The following AUTS2 variants were observed in gnomAD, a reference collection of about 807,000 sequenced individuals.
AUTS2 encodes the protein autism susceptibility gene 2 protein.
Under a neutral mutation model 112.4 loss-of-function variants are expected in AUTS2, and 17 were observed. The observed-to-expected ratio is 0.15, with a 90% CI of 0.10 to 0.23. The LOEUF is 0.23. Ranked by LOEUF, AUTS2 falls within the 10% of genes least tolerant of loss-of-function variation. AUTS2 has a pLI of 1.00. For missense variants in AUTS2, 1,510 were observed against 1,701.6 expected (o/e 0.89, Z 1.98); for synonymous variants, 751 against 702.7 (o/e 1.07, Z -1.09).
chr7:69,708,381 G>A (rs1372111690), intron 1 of AUTS2, among the ~76,000 whole-genome samples: 1 of 152,194 alleles, frequency 6.6e-6, no homozygotes, highest in Admixed American at 6.5e-5. Context: ...CATTGTGATA[G>A]CATTCTGATG....
rs562487128 is a variant in AUTS2 at position 69,975,680 on chromosome 7, T to C, written c.522+76182T>C. Among the ~76,000 whole-genome samples the C allele has an allele frequency of 5.3e-5, 8 of 151,884 alleles. 1 individual carries two copies. The highest frequency in any genetic ancestry group is 4.6e-4 in the Admixed American group (7 of 15,248). ...GAGCCCATCCGTTGAATTTTTTTAATTGTTTTTTTTTTATTTTTATTTTTT... is the reference window on the plus strand; with the variant it reads ...GAGCCCATCCGTTGAATTTTTTTAACTGTTTTTTTTTTATTTTTATTTTTT... On this transcript the variant is annotated intron_variant, in intron 2 of 18. Transcript: ENST00000342771.
chr7:70,629,349 G>A (rs950671900), intron 5 of AUTS2, among the ~76,000 whole-genome samples: 1 of 152,164 alleles, frequency 6.6e-6, no homozygotes, highest in African/African-American at 2.4e-5. Flanking sequence ...GCAGGCATCT[G>A]TAATCTCAGC....
chr7:70,302,537 A>G (rs1013509093), intron 4 of AUTS2, among the ~76,000 whole-genome samples: 2 of 152,180 alleles, frequency 1.3e-5, no homozygotes, highest in East Asian at 1.9e-4. Flanking sequence ...TATCTTATGC[A>G]TCCTTTTCCT....
intron 1 of AUTS2, among the ~76,000 whole-genome samples, chr7:69,756,330 TTG>T (rs1457722115): frequency 1.3e-5 from 2 of 152,186 alleles, no homozygotes; most frequent in African/African-American, 4.8e-5. Flanking sequence ...AAACTAGTAT[TTG>T]TGTGTTTTAG....
intron 6 of AUTS2, among the ~76,000 whole-genome samples, chr7:70,704,618 A>G (rs1025429882): frequency 6.6e-6 from 1 of 152,228 alleles, no homozygotes; most frequent in African/African-American, 2.4e-5. Flanking sequence ...AGTAATATGC[A>G]TTCATGATAG....
chr7:70,558,705 T>C (rs528056788), intron 5 of AUTS2, among the ~76,000 whole-genome samples: 3 of 152,348 alleles, frequency 2.0e-5, no homozygotes, highest in Non-Finnish European at 2.9e-5. Context: ...AATGTACTTA[T>C]GAGAAAAATA....
chr7:70,350,690 G>A (rs1791709788), intron 4 of AUTS2, among the ~76,000 whole-genome samples: 1 of 152,062 alleles, frequency 6.6e-6, no homozygotes, highest in Non-Finnish European at 1.5e-5. Context: ...TATCAACAGG[G>A]AAGCAATTTA....
intron 2 of AUTS2, among the ~76,000 whole-genome samples, chr7:70,015,382 C>CA (rs1356527561): frequency 1.3e-5 from 2 of 152,046 alleles, no homozygotes; most frequent in Non-Finnish European, 2.9e-5. Flanking sequence ...GATGCCAAAA[C>CA]AAAAAATTGA....
intron 6 of AUTS2, among the ~76,000 whole-genome samples, chr7:70,745,635 G>C (rs1362089624): frequency 6.6e-6 from 1 of 152,132 alleles, no homozygotes; most frequent in Non-Finnish European, 1.5e-5. Context: ...TATACCTGGA[G>C]GCTTCTCCCA....
intron 1 of AUTS2, among the ~76,000 whole-genome samples, chr7:69,781,314 A>G (rs1055198286): frequency 1.3e-5 from 2 of 152,244 alleles, no homozygotes; most frequent in Non-Finnish European, 2.9e-5. Flanking sequence ...AATTCCTTCT[A>G]TTGATAATAC....
At position 69,669,608 on chromosome 7, in the gene AUTS2, C is replaced by T. The variant is rs760058890; in HGVS notation, c.309+69646C>T. On this transcript the variant is annotated intron_variant, in intron 1 of 18. Coordinates refer to ENST00000342771, the MANE Select transcript of AUTS2 (RefSeq NM_015570.4). ...TAAAATTTAAATAGGCTAAATGGGA[C>T]CCTTCTTTATGTAGTATGTAGATAT... 5.3e-5 allele frequency among the ~76,000 whole-genome samples: 8 copies of T among 151,972 alleles called. No individual in the cohort carries two copies. The East Asian group carries it at 1.4e-3, about 26-fold the overall frequency.
At chr7:70,215,978 T>G (rs572533564) in intron 4 of AUTS2, among the ~76,000 whole-genome samples, 1 of 152,346 alleles carries the variant, frequency 6.6e-6, no homozygotes, top group South Asian at 2.1e-4. Context: ...AACTCACAGG[T>G]TGGCCCATTG....
intron 4 of AUTS2, among the ~76,000 whole-genome samples, chr7:70,259,390 C>T (rs1364254778): frequency 1.3e-5 from 2 of 151,356 alleles, no homozygotes; most frequent in Non-Finnish European, 2.9e-5. Context: ...TTGATATGTT[C>T]CACCTCATCA....
At chr7:70,388,439 G>A (rs1252371921) in intron 4 of AUTS2, among the ~76,000 whole-genome samples, 1 of 152,076 alleles carries the variant, frequency 6.6e-6, no homozygotes, top group Non-Finnish European at 1.5e-5. Flanking sequence ...AAATATAGAA[G>A]ATGTAAAAAA....
At chr7:70,254,010 A>T (rs1030588978) in intron 4 of AUTS2, among the ~76,000 whole-genome samples, 1 of 152,182 alleles carries the variant, frequency 6.6e-6, no homozygotes, top group Non-Finnish European at 1.5e-5. Context: ...ATAAGAGGAA[A>T]CAAAAACTAA....
At chr7:69,943,836 G>A (rs142820603) in intron 2 of AUTS2, among the ~76,000 whole-genome samples, 1 of 152,270 alleles carries the variant, frequency 6.6e-6, no homozygotes, top group African/African-American at 2.4e-5. Flanking sequence ...CAGTGACAAG[G>A]GCACATACTA....
At chr7:70,093,946 C>T (rs1804056472) in intron 2 of AUTS2, among the ~76,000 whole-genome samples, 1 of 152,192 alleles carries the variant, frequency 6.6e-6, no homozygotes, top group South Asian at 2.1e-4. Flanking sequence ...GGAAGAGGTA[C>T]TTAGGGGCCA....
At chr7:70,185,629 A>G (rs555690351) in intron 4 of AUTS2, among the ~76,000 whole-genome samples, 3 of 152,350 alleles carry the variant, frequency 2.0e-5, no homozygotes, top group Admixed American at 6.5e-5. Flanking sequence ...AAAATCAGTC[A>G]GTCATGAAGC....
At chr7:70,374,164 T>C (rs1792976685) in intron 4 of AUTS2, among the ~76,000 whole-genome samples, 1 of 152,068 alleles carries the variant, frequency 6.6e-6, no homozygotes, top group Non-Finnish European at 1.5e-5. Flanking sequence ...AGAAGCAGAG[T>C]GAGTCTGAGG....
Sources: gnomAD v4.1 joint callset for allele counts (sites outside exome capture counted in the v4.1 genomes callset) on GRCh38, gnomAD v4.1.1 for gene constraint, MANE v1.5 for transcripts, NCBI Gene and HGNC (gene_info 2026-07-23, HGNC 2026-07-21) for gene names.